Variants in CORO2A observed in about 807,000 individuals in gnomAD.
CORO2A encodes the protein coronin 2A.
CORO2A carries 47 observed loss-of-function variants against 62.4 expected under a neutral mutation model. That is an observed-to-expected ratio of 0.75 (90% CI 0.60 to 0.96). The LOEUF is 0.96. Ranked by LOEUF, CORO2A falls within the 40% of genes least tolerant of loss-of-function variation. The probability of loss-of-function intolerance (pLI) is 0.00; values close to 1 mark genes in which losing one functional copy is unlikely to be tolerated. For synonymous variants in CORO2A, 273 were observed against 268.9 expected (o/e 1.02, Z -0.15); for missense variants, 610 against 684.1 (o/e 0.89, Z 1.21).
intron 3 of CORO2A, 140 bp from the exon 4 acceptor site, chr9:98,135,095 G>A (rs1827467780): frequency 8.4e-6 from 9 of 1,069,358 alleles, no homozygotes; most frequent in South Asian, 1.6e-5. Context: ...CAGTGGCTAT[G>A]GGCATTGAGG....
chr9:98,127,659 G>A (rs1827344772), intron 10 of CORO2A, among the ~76,000 whole-genome samples: 1 of 151,604 alleles, frequency 6.6e-6, no homozygotes, highest in South Asian at 2.1e-4. Flanking sequence ...CTAAAAATAC[G>A]AAAAATTAGC....
At chr9:98,142,834 C>A (rs1017463052) in intron 2 of CORO2A, among the ~76,000 whole-genome samples, 2 of 136,592 alleles carry the variant, frequency 1.5e-5, no homozygotes, top group African/African-American at 5.7e-5. Flanking sequence ...CGCCCCACCT[C>A]CCCTGCCCTG....
At chr9:98,150,354 C>T (rs1827706423) in intron 2 of CORO2A, among the ~76,000 whole-genome samples, 2 of 152,290 alleles carry the variant, frequency 1.3e-5, no homozygotes, top group South Asian at 4.1e-4. Context: ...TCACCTCCTC[C>T]CACCACTCTG....
intron 4 of CORO2A, among the ~76,000 whole-genome samples, chr9:98,133,539 C>CA (rs1827440954): frequency 6.6e-6 from 1 of 152,188 alleles, no homozygotes; most frequent in African/African-American, 2.4e-5. Context: ...GCACCTCCCA[C>CA]AGATCAACAG....
intron 1 of CORO2A, among the ~76,000 whole-genome samples, chr9:98,163,151 A>T (rs1275384274): frequency 6.6e-6 from 1 of 152,160 alleles, no homozygotes; most frequent in African/African-American, 2.4e-5. Flanking sequence ...CCCAGAAAGG[A>T]TGTAGTCATC....
chr9:98,177,456 T>TG (rs1491163093), intron 1 of CORO2A, among the ~76,000 whole-genome samples: 2 of 130,824 alleles, frequency 1.5e-5, no homozygotes, highest in Non-Finnish European at 3.1e-5. Flanking sequence ...CTCCAAACTT[T>TG]GTTTTTTTTT....
At chr9:98,164,500 C>A (rs1827932713) in intron 1 of CORO2A, among the ~76,000 whole-genome samples, 1 of 152,328 alleles carries the variant, frequency 6.6e-6, no homozygotes, top group Middle Eastern at 3.4e-3. Context: ...CTGCTGCCAA[C>A]CTAGGCCTCT....
chr9:98,172,810 A>G (rs963189217), intron 1 of CORO2A: 2 of 152,240 alleles, frequency 1.3e-5, no homozygotes, highest in Non-Finnish European at 2.9e-5. Flanking sequence ...GGCCAGACTG[A>G]TTGCCCTTCT....
Position 98,126,771 on chromosome 9 carries a change from T to G in CORO2A, c.1224A>C (p.Pro408=), listed in dbSNP as rs751583025. Residue 408 remains proline, a synonymous_variant, in exon 11 of 12, where the codon CCA becomes CCC. Coordinates refer to ENST00000375077, the MANE Select transcript of CORO2A (RefSeq NM_052820.4). ...TGAAGATAGGTCTCTCTGCAGGCAGTGGGTGGGGTCTCAGCAGCTCAGAGC... is the reference window on the plus strand; with the variant it reads ...TGAAGATAGGTCTCTCTGCAGGCAGGGGGTGGGGTCTCAGCAGCTCAGAGC... ...RPGSELLRPH[P]LPAERPIFNS... 2 of 1,614,122 alleles carry G rather than the reference T, an allele frequency of 1.2e-6. No individual in the cohort carries two copies. The highest frequency in any genetic ancestry group is 1.3e-5 in the African/African-American group (1 of 75,034).
At chr9:98,163,822 T>C (rs1041823762) in intron 1 of CORO2A, among the ~76,000 whole-genome samples, 7 of 152,034 alleles carry the variant, frequency 4.6e-5, no homozygotes, top group Non-Finnish European at 8.8e-5. Context: ...CCCTCTTCTT[T>C]ACCCAGCCCT....
At chr9:98,128,345 C>G in intron 9 of CORO2A, 85 bp from the exon 10 acceptor site, 1 of 1,085,498 alleles carries the variant, frequency 9.2e-7, no homozygotes, top group South Asian at 1.4e-5. Context: ...AGTCCAGGCT[C>G]TCACCAACCC....
chr9:98,160,252 G>A (rs1427961994), intron 1 of CORO2A, among the ~76,000 whole-genome samples: 1 of 152,092 alleles, frequency 6.6e-6, no homozygotes, highest in African/African-American at 2.4e-5. Flanking sequence ...CACAAAAATA[G>A]AACACAAGAT....
intron 1 of CORO2A, among the ~76,000 whole-genome samples, chr9:98,160,711 A>G (rs1455107221): frequency 2.0e-5 from 3 of 152,080 alleles, no homozygotes; most frequent in Non-Finnish European, 4.4e-5. Flanking sequence ...ACCTTGAGCA[A>G]CTGCTGGGGG....
At chr9:98,136,422 T>C (rs1827487693) in intron 3 of CORO2A, among the ~76,000 whole-genome samples, 1 of 152,274 alleles carries the variant, frequency 6.6e-6, no homozygotes, top group Non-Finnish European at 1.5e-5. Context: ...CTGCTTCTTT[T>C]GATCTAACTG....
chr9:98,163,545 G>A (rs1289859543), intron 1 of CORO2A, among the ~76,000 whole-genome samples: 1 of 152,154 alleles, frequency 6.6e-6, no homozygotes, highest in East Asian at 1.9e-4. Context: ...CAAGGTAGGT[G>A]GGGATTATTT....
intron 2 of CORO2A, among the ~76,000 whole-genome samples, chr9:98,149,302 T>C (rs1485669451): frequency 1.3e-5 from 2 of 152,188 alleles, no homozygotes; most frequent in Non-Finnish European, 2.9e-5. Flanking sequence ...CTCTGGGAGC[T>C]TGTTGGAGAT....
chr9:98,165,363 G>A (rs568264241), intron 1 of CORO2A, among the ~76,000 whole-genome samples: 32 of 152,292 alleles, frequency 2.1e-4, no homozygotes, highest in African/African-American at 6.5e-4. Flanking sequence ...CCAACATACC[G>A]AACCATAGAA....
chr9:98,123,337 T>C lies in CORO2A; in HGVS notation c.*1437A>G, dbSNP rs1827267556. On this transcript the variant is annotated 3_prime_UTR_variant, in exon 12 of 12. Coordinates refer to ENST00000375077, the MANE Select transcript of CORO2A (RefSeq NM_052820.4). Reference sequence around the variant, plus strand: ...TGTAAAATGAGGAACTTGGGTCAAATCACTAGCTTTCAAACTTCTAAAAAA... The same window carrying C: ...TGTAAAATGAGGAACTTGGGTCAAACCACTAGCTTTCAAACTTCTAAAAAA... 6.6e-6 allele frequency: 1 copy of C among 152,194 alleles called. No homozygotes were observed. The highest frequency in any genetic ancestry group is 2.4e-5 in the African/African-American group (1 of 41,444). The allele number at this position is 152,194 out of a possible 1,614,324, so 9.4% of individuals were successfully genotyped here.
chr9:98,188,289 C>T (rs1255261468), intron 1 of CORO2A, among the ~76,000 whole-genome samples: 1 of 152,216 alleles, frequency 6.6e-6, no homozygotes, highest in African/African-American at 2.4e-5. Context: ...ACCCTAACCC[C>T]TCCTATGTTC....
Sources: gnomAD v4.1 joint callset for allele counts (sites outside exome capture counted in the v4.1 genomes callset) on GRCh38, gnomAD v4.1.1 for gene constraint, MANE v1.5 for transcripts, NCBI Gene and HGNC (gene_info 2026-07-23, HGNC 2026-07-21) for gene names.